CHD7: variants seen among roughly 807,000 people sequenced by gnomAD.
CHD7 encodes the protein chromodomain helicase DNA binding protein 7.
In CHD7, 24 loss-of-function variants were observed where a neutral mutation model predicts 307.3. The ratio of observed to expected loss-of-function variants is 0.08; its 90% confidence interval spans 0.06 to 0.11. The LOEUF (loss-of-function observed/expected upper bound fraction) is 0.11. CHD7 is among the 10% of genes least tolerant of loss of function. The pLI, the probability that CHD7 is intolerant of heterozygous loss-of-function variation, is 1.00. For missense variants in CHD7, 3,106 were observed against 3,727.1 expected, an observed-to-expected ratio of 0.83 and a Z score of 4.34; for synonymous variants, 1,363 against 1,349.9, an observed-to-expected ratio of 1.01 and a Z score of -0.21.
intron 2 of CHD7, among the ~76,000 whole-genome samples, chr8:60,746,221 A>C (rs975134860): frequency 6.6e-6 from 1 of 152,170 alleles, no homozygotes; most frequent in Admixed American, 6.5e-5. Context: ...TTTAGTGGAA[A>C]CGAGGTTTCA....
intron 3 of CHD7, among the ~76,000 whole-genome samples, chr8:60,788,213 T>G (rs1329441067): frequency 1.3e-5 from 2 of 151,558 alleles, no homozygotes. Flanking sequence ...AGCCTCAGCC[T>G]CCTGGGCTCA....
intron 1 of CHD7, among the ~76,000 whole-genome samples, chr8:60,688,396 T>C (rs764918104): frequency 6.6e-6 from 1 of 152,252 alleles, no homozygotes; most frequent in Non-Finnish European, 1.5e-5. Flanking sequence ...TCAAATCATA[T>C]GTATTGCTTT....
intron 1 of CHD7, among the ~76,000 whole-genome samples, chr8:60,710,520 CAG>C (rs1807237737): frequency 1.3e-5 from 2 of 152,200 alleles, no homozygotes; most frequent in African/African-American, 4.8e-5. Context: ...TTCAAAAACT[CAG>C]TGTCTTTTCT....
Position 60,838,184 on chromosome 8 carries a change from G to C in CHD7, c.4462G>C (p.Asp1488His). Reference protein sequence around the residue: ...EGSKFCEEDIDQILLRRTHTI... With the variant: ...EGSKFCEEDIHQILLRRTHTI... Reference sequence around the variant, plus strand: ...GTCTAAATTCTGTGAAGAAGATATTGATCAGATCCTCCTACGTCGAACCCA... The same window carrying C: ...GTCTAAATTCTGTGAAGAAGATATTCATCAGATCCTCCTACGTCGAACCCA... Residue 1488 changes from aspartate to histidine, a missense_variant, in exon 19 of 38, where the codon GAT becomes CAT. Physicochemically the swap from Asp to His is moderately conservative, Grantham distance 81. Transcript: ENST00000423902. The C allele has an allele frequency of 6.3e-7, 1 of 1,596,492 alleles. No homozygotes were observed. The highest frequency in any genetic ancestry group is 8.5e-7 in the Non-Finnish European group (1 of 1,171,158).
At chr8:60,706,044 T>G (rs1807007626) in intron 1 of CHD7, among the ~76,000 whole-genome samples, 1 of 152,116 alleles carries the variant, frequency 6.6e-6, no homozygotes, top group Non-Finnish European at 1.5e-5. Context: ...TCAAGAGCCT[T>G]TCACCCTGGG....
chr8:60,851,978 T>A, intron 28 of CHD7, 41 bp from the exon 29 acceptor site: 1 of 1,391,870 alleles, frequency 7.2e-7, no homozygotes. Context: ...TATTGCAAGA[T>A]TGCAGCTACA....
At chr8:60,752,908 T>C (rs1809705726) in intron 2 of CHD7, among the ~76,000 whole-genome samples, 1 of 152,242 alleles carries the variant, frequency 6.6e-6, no homozygotes, top group African/African-American at 2.4e-5. Context: ...AATGTTACTC[T>C]CCATTCTCTG....
chr8:60,780,541 C>T (rs1276499240), intron 2 of CHD7, among the ~76,000 whole-genome samples: 1 of 152,206 alleles, frequency 6.6e-6, no homozygotes, highest in Non-Finnish European at 1.5e-5. Flanking sequence ...TTTCACAGTA[C>T]TAGAATCTTG....
intron 8 of CHD7, among the ~76,000 whole-genome samples, chr8:60,817,554 AC>A (rs758170527): frequency 1.7e-4 from 26 of 152,038 alleles, no homozygotes; most frequent in Non-Finnish European, 2.5e-4. Flanking sequence ...CTGCATCACT[AC>A]CCCTGGCACT....
chr8:60,842,013 G>C lies in CHD7; in HGVS notation c.4811G>C (p.Ser1604Thr), dbSNP rs367722051. 13 of 1,613,960 alleles carry C rather than the reference G, an allele frequency of 8.1e-6. No individual in the cohort carries two copies. Among genetic ancestry groups the C allele is most frequent in the Non-Finnish European group, 1.1e-5 (13 of 1,179,862 alleles). Reference sequence around the variant, plus strand: ...GATAAGTCACAGGGCTATGCAAGGAGTGAATGTTTCAGGGTGGAGAAGAAT... The same window carrying C: ...GATAAGTCACAGGGCTATGCAAGGACTGAATGTTTCAGGGTGGAGAAGAAT... ...PQDKSQGYAR[S>T]ECFRVEKNLL... The change falls in exon 21 of 38, where the codon AGT becomes ACT. Residue 1604 changes from serine (S) to threonine (T), a missense_variant. Ser to Thr is a moderately conservative substitution (Grantham distance 58). Around this residue, in one of 10 missense-constraint regions of CHD7, gnomAD observed 122 missense variants for 124.5 expected, o/e 0.98. Transcript: ENST00000423902.
intron 26 of CHD7, 23 bp downstream of exon 26, chr8:60,850,645 T>G: frequency 6.3e-7 from 1 of 1,594,516 alleles, no homozygotes; most frequent in Non-Finnish European, 8.5e-7. Flanking sequence ...TTTTAAAATT[T>G]GAATAAACTT....
chr8:60,809,629 C>G (rs964794609), intron 7 of CHD7: 2 of 143,294 alleles, frequency 1.4e-5, no homozygotes, highest in African/African-American at 5.3e-5. Flanking sequence ...GACTCTAGCC[C>G]TCCTCAAAAG....
intron 9 of CHD7, among the ~76,000 whole-genome samples, chr8:60,820,964 G>C (rs1804003233): frequency 6.6e-6 from 1 of 152,102 alleles, no homozygotes; most frequent in African/African-American, 2.4e-5. Context: ...CTGAAATGAA[G>C]GTCAACAAAC....
chr8:60,814,526 A>G (rs947038804), intron 7 of CHD7, among the ~76,000 whole-genome samples: 2 of 152,048 alleles, frequency 1.3e-5, no homozygotes, highest in Middle Eastern at 3.2e-3. Context: ...GCTCACTGCA[A>G]CCTCCACCTC....
intron 1 of CHD7, among the ~76,000 whole-genome samples, chr8:60,740,429 A>G (rs952273956): frequency 6.6e-6 from 1 of 152,258 alleles, no homozygotes; most frequent in African/African-American, 2.4e-5. Flanking sequence ...ACCAGAGCCC[A>G]GCATGCCTGC....
rs75191917 is a variant in CHD7, at chr8:60,828,959, G to C, written c.3522+153G>C. ...GATACCCTTTCCTTGGACTTTCCAG[G>C]TCATCATCATAAAGGTTTTCTTCTT... On this transcript the variant is annotated intron_variant, in intron 14 of 37. Transcript: ENST00000423902. 2.0e-3 allele frequency among the ~76,000 whole-genome samples: 312 copies of C among 152,228 alleles called. 1 individual carries two copies. The highest frequency in any genetic ancestry group is 6.5e-3 in the African/African-American group (269 of 41,530).
intron 6 of CHD7, among the ~76,000 whole-genome samples, chr8:60,802,170 C>T (rs1182985089): frequency 6.6e-6 from 1 of 152,202 alleles, no homozygotes; most frequent in African/African-American, 2.4e-5. Flanking sequence ...CAAAGGTGAG[C>T]TCTAAGTATC....
chr8:60,809,668 G>GAA lies in CHD7; in HGVS notation c.2498+1421_2498+1422dup, dbSNP rs36108691. On this transcript the variant is annotated intron_variant, in intron 7 of 37. Transcript: ENST00000423902. ...TTTGAGGTGAGGTAAAGGGAGTTTT[G>GAA]AAAAAAAAAAAAAAAAAAAAAAAAA... is the stretch of plus-strand genomic sequence containing the variant. 369 of 96,322 alleles carry GAA rather than the reference G, an allele frequency of 3.8e-3. 10 individuals are homozygous for GAA. Among genetic ancestry groups the GAA allele is most frequent in the South Asian group, 7.0e-3 (20 of 2,866 alleles). The allele number at this position is 96,322 out of a possible 1,614,324, so 6.0% of individuals were successfully genotyped here.
At chr8:60,741,200 A>G (rs543676735) in intron 1 of CHD7, 59 bp from the exon 2 acceptor site, 86 of 534,366 alleles carry the variant, frequency 1.6e-4, no homozygotes, top group Non-Finnish European at 2.6e-4. Context: ...AGTTTTTATC[A>G]TTGGATCCTA....
Sources: allele counts gnomAD v4.1 joint callset (sites outside exome capture counted in the v4.1 genomes callset), GRCh38; gene constraint gnomAD v4.1.1; regional missense constraint gnomAD v4.1.1; transcripts MANE v1.5; gene names NCBI Gene and HGNC (gene_info 2026-07-23, HGNC 2026-07-21).